Variants in HDX observed in about 807,000 individuals in gnomAD.
HDX encodes the protein highly divergent homeobox, also known as chromosome X open reading frame 43.
Under a neutral mutation model 45.2 loss-of-function variants are expected in HDX, and 19 were observed. The observed-to-expected ratio is 0.42, with a 90% CI of 0.29 to 0.62. The LOEUF is 0.62. Ranked by LOEUF, HDX falls within the 20% of genes least tolerant of loss-of-function variation. The pLI is 0.20. For synonymous variants in HDX, 188 were observed against 172.8 expected (o/e 1.09, Z -0.69); for missense variants, 532 against 493.9 (o/e 1.08, Z -0.73).
intron 2 of HDX, among the ~76,000 whole-genome samples, chrX:84,481,331 A>G (rs950180379): frequency 9.1e-6 from 1 of 110,252 alleles, no homozygotes; most frequent in African/African-American, 3.3e-5. Context: ...ATTTTCATTA[A>G]TTTCTACTCT....
At chrX:84,326,736 A>T (rs1230237253) in intron 9 of HDX, among the ~76,000 whole-genome samples, 1 of 110,152 alleles carries the variant, frequency 9.1e-6, no homozygotes, top group Non-Finnish European at 1.9e-5. Context: ...ACATGGTGAA[A>T]CCCCGTCTCT....
chrX:84,382,831 T>A (rs923873178), intron 5 of HDX, among the ~76,000 whole-genome samples: 5 of 111,080 alleles, frequency 4.5e-5, no homozygotes, highest in African/African-American at 1.6e-4. Context: ...TTGTATTTTT[T>A]AAAATAACTA....
intron 5 of HDX, among the ~76,000 whole-genome samples, chrX:84,377,528 A>G (rs1221368285): frequency 1.8e-5 from 2 of 111,633 alleles, no homozygotes; most frequent in Admixed American, 1.9e-4. Context: ...GAATCCTATC[A>G]GATAAATTTA....
At chrX:84,425,146 A>C (rs2039356015) in intron 5 of HDX, among the ~76,000 whole-genome samples, 2 of 111,989 alleles carry the variant, frequency 1.8e-5, no homozygotes, top group Non-Finnish European at 3.8e-5. Context: ...CTGAACAAAA[A>C]AATGGCAAAA....
intron 5 of HDX, among the ~76,000 whole-genome samples, chrX:84,430,156 C>T: frequency 9.0e-6 from 1 of 110,801 alleles, no homozygotes; most frequent in Non-Finnish European, 1.9e-5. Flanking sequence ...TAACAAATCT[C>T]TTCATATCAT....
chrX:84,405,440 C>A (rs2038795467), intron 5 of HDX, among the ~76,000 whole-genome samples: 1 of 109,946 alleles, frequency 9.1e-6, no homozygotes, highest in African/African-American at 3.3e-5. Flanking sequence ...TCAAAAGTAG[C>A]ATTAAGTGAA....
chrX:84,364,463 G>A (rs1471892211), intron 5 of HDX, among the ~76,000 whole-genome samples: 3 of 97,936 alleles, frequency 3.1e-5, no homozygotes, highest in Non-Finnish European at 6.1e-5. Flanking sequence ...GCACAACGTC[G>A]TACAGCAGAT....
chrX:84,469,849 TA>T (rs780670858), intron 3 of HDX, among the ~76,000 whole-genome samples: 210 of 111,877 alleles, frequency 1.9e-3, no homozygotes, highest in Non-Finnish European at 2.7e-3. Flanking sequence ...TCAAGAAACC[TA>T]AAAATGTTTA....
rs767394341 is a variant in HDX at position 84,417,764 on chromosome X, G to A, written c.1305+22768C>T. 5.0e-4 allele frequency among the ~76,000 whole-genome samples: 56 copies of A among 112,144 alleles called. 1 individual carries two copies. Among genetic ancestry groups the A allele is most frequent in the Non-Finnish European group, 7.9e-4 (42 of 53,268 alleles). Reference sequence around the variant, plus strand: ...TTTCAGTGCACTCCCCAAGGAGCTGGATTCTGATTTGTCTCACACAGAACA... The same window carrying A: ...TTTCAGTGCACTCCCCAAGGAGCTGAATTCTGATTTGTCTCACACAGAACA... On this transcript the variant is annotated intron_variant, in intron 5 of 10. Coordinates refer to ENST00000373177, the MANE Select transcript of HDX (RefSeq NM_001177479.2).
rs926838518 is a variant in HDX at position 84,319,119 on chromosome X, GA to G, written c.*2769del. 1 of 110,424 alleles carries G rather than the reference GA, an allele frequency of 9.1e-6. No homozygotes were observed. Among genetic ancestry groups the G allele is most frequent in the Non-Finnish European group, 1.9e-5 (1 of 52,316 alleles). 9.1% of individuals were successfully genotyped at this position (110,424 alleles called of 1,213,427 possible). Reference sequence around the variant, plus strand: ...AGCAGACATAGAAATGTAGTTGAAAGAAAAAAAGAAGTTTTTTCTTGTTGTT... The same window carrying G: ...AGCAGACATAGAAATGTAGTTGAAAGAAAAAAGAAGTTTTTTCTTGTTGTT... On this transcript the variant is annotated 3_prime_UTR_variant, in exon 11 of 11. Transcript: ENST00000373177.
At chrX:84,332,439 C>G (rs375838500) in intron 9 of HDX, among the ~76,000 whole-genome samples, 14 of 111,187 alleles carry the variant, frequency 1.3e-4, no homozygotes, top group East Asian at 1.1e-3. Flanking sequence ...CATTTCTGGA[C>G]TAGACACTCT....
At chrX:84,475,446 G>C (rs1252928579) in intron 2 of HDX, 49 bp from the exon 3 acceptor site, 2 of 833,927 alleles carry the variant, frequency 2.4e-6, no homozygotes, top group Non-Finnish European at 3.3e-6. Flanking sequence ...AATTTGGTAT[G>C]TGCAGAATTT....
intron 5 of HDX, among the ~76,000 whole-genome samples, chrX:84,395,236 A>G (rs1408697888): frequency 9.0e-6 from 1 of 110,771 alleles, no homozygotes; most frequent in Non-Finnish European, 1.9e-5. Context: ...GTACTTCCTT[A>G]AGTATTTCTT....
chrX:84,370,407 T>A (rs1234028155), intron 5 of HDX, among the ~76,000 whole-genome samples: 1 of 111,842 alleles, frequency 8.9e-6, no homozygotes, highest in Non-Finnish European at 1.9e-5. Context: ...GAGTTCTGTT[T>A]CTCTGGAGAT....
chrX:84,381,038 C>G (rs1209835906), intron 5 of HDX, among the ~76,000 whole-genome samples: 1 of 110,980 alleles, frequency 9.0e-6, no homozygotes, highest in African/African-American at 3.3e-5. Flanking sequence ...AATCAACATA[C>G]AAAAATCAGT....
chrX:84,348,277 A>G (rs1463474804), intron 6 of HDX, among the ~76,000 whole-genome samples: 1 of 111,218 alleles, frequency 9.0e-6, no homozygotes, highest in Non-Finnish European at 1.9e-5. Context: ...AGCTTTCTTC[A>G]TTTCAGTTAC....
Position 84,475,251 on chromosome X carries a change from C to A in HDX, c.147G>T (p.Arg49Ser), listed in dbSNP as rs747307211. The stretch of plus-strand genomic sequence containing the variant: ...TTGAGTGTAAGACCTCAATACTTAC[C>A]CTGACTACACTGAAGTCCAGCTTAG... ...QETKLDFSVV[R>S]TWVGNKRRKM... The change falls in exon 3 of 11, where the codon AGG becomes AGT. Residue 49 changes from arginine to serine, a missense_variant and splice_region_variant. Around this residue, in one of 3 missense-constraint regions of HDX, gnomAD observed 376 missense variants for 343.7 expected, o/e 1.09. Transcript: ENST00000373177. The A allele has an allele frequency of 8.4e-7, 1 of 1,194,859 alleles. No homozygotes were observed. Among genetic ancestry groups the A allele is most frequent in the Non-Finnish European group, 1.1e-6 (1 of 886,290 alleles).
rs1413592487 is a variant in HDX, at chrX:84,385,855, T to C, written c.1306-24243A>G. On this transcript the variant is annotated intron_variant, in intron 5 of 10. Transcript: ENST00000373177. ...TTGAATGGTTTTTTTTTTTTTTTTTTCGCCTGGTGGCTCTTGCTAGCACTT... is the reference window on the plus strand; with the variant it reads ...TTGAATGGTTTTTTTTTTTTTTTTTCCGCCTGGTGGCTCTTGCTAGCACTT... 9.0e-5 allele frequency among the ~76,000 whole-genome samples: 9 copies of C among 99,646 alleles called. No individual in the cohort carries two copies. In the South Asian group the frequency reaches 3.9e-3, roughly 43 times the overall value. 86.5% of individuals were successfully genotyped at this position (99,646 alleles called of 115,157 possible).
At chrX:84,477,265 T>C (rs768263684) in intron 2 of HDX, among the ~76,000 whole-genome samples, 5 of 111,818 alleles carry the variant, frequency 4.5e-5, no homozygotes, top group African/African-American at 1.6e-4. Context: ...ATCAGAGCTC[T>C]GATCCTCCTC....
Sources: gnomAD v4.1 joint callset for allele counts (sites outside exome capture counted in the v4.1 genomes callset) on GRCh38, gnomAD v4.1.1 for gene constraint, gnomAD v4.1.1 regional missense constraint, MANE v1.5 for transcripts, NCBI Gene and HGNC (gene_info 2026-07-23, HGNC 2026-07-21) for gene names.